The following NCOA3 variants were observed in gnomAD, a reference collection of about 807,000 sequenced individuals.
NCOA3 encodes the protein CBP-interacting protein.
Under a neutral mutation model 158.8 loss-of-function variants are expected in NCOA3, and 51 were observed. That is an observed-to-expected ratio of 0.32 (90% confidence interval 0.26 to 0.41). The LOEUF is 0.41. Among genes scored for constraint, NCOA3 ranks in the 10% least tolerant of loss-of-function variants. The probability of loss-of-function intolerance (pLI) is 1.00; values close to 1 mark genes in which losing one functional copy is unlikely to be tolerated. For missense variants in NCOA3, 1,510 were observed against 1,746.6 expected, an observed-to-expected ratio of 0.86 and a Z score of 2.41; for synonymous variants, 537 against 592.4, an observed-to-expected ratio of 0.91 and a Z score of 1.36.
At chr20:47,641,490 CTTTTTT>C (rs71183270) in intron 16 of NCOA3, among the ~76,000 whole-genome samples, 40 of 48,364 alleles carry the variant, frequency 8.3e-4, no homozygotes, top group African/African-American at 1.4e-3. Flanking sequence ...TGGCTCCCTT[CTTTTTT>C]TTTTTTTTTT....
In NCOA3 at chr20:47,651,116, G is replaced by GCAGCAACAGCAA. The variant is rs748517056; in HGVS notation, c.3804_3815dup (p.Gln1273_Gln1276dup). On this transcript the variant is annotated inframe_insertion, in exon 20 of 23. Transcript: ENST00000371998. ...AACAGCAGCAGCAGCAGCAGCAGCA[G>GCAGCAACAGCAA]CAGCAACAGCAACAGCAACAGCAAC... is the stretch of plus-strand genomic sequence containing the variant. 6.2e-6 allele frequency: 9 copies of GCAGCAACAGCAA among 1,460,334 alleles called. No individual in the cohort carries two copies. The East Asian group carries it at 1.4e-4, about 23-fold the overall frequency. The allele number at this position is 1,460,334 out of a possible 1,614,324, so 90.5% of individuals were successfully genotyped here.
At chr20:47,525,155 C>T (rs1254550512) in intron 1 of NCOA3, among the ~76,000 whole-genome samples, 11 of 149,906 alleles carry the variant, frequency 7.3e-5, no homozygotes, top group African/African-American at 2.7e-4. Flanking sequence ...ATGCTGCCTT[C>T]AAGCATCTGT....
At chr20:47,560,968 C>CTTTTTTTTT (rs11481985) in intron 1 of NCOA3, among the ~76,000 whole-genome samples, 4 of 101,184 alleles carry the variant, frequency 4.0e-5, no homozygotes, top group African/African-American at 7.9e-5. Context: ...ATCCCTCATT[C>CTTTTTTTTT]TTTTTTTTTT....
intron 17 of NCOA3, among the ~76,000 whole-genome samples, chr20:47,646,499 G>A (rs1568754291): frequency 1.3e-5 from 2 of 152,156 alleles, no homozygotes; most frequent in Admixed American, 6.5e-5. Flanking sequence ...ATCAGGGTGC[G>A]GATGTTAAGT....
intron 1 of NCOA3, among the ~76,000 whole-genome samples, chr20:47,546,710 T>A (rs964228785): frequency 6.6e-6 from 1 of 152,066 alleles, no homozygotes; most frequent in African/African-American, 2.4e-5. Context: ...TTTGTATTTT[T>A]AGTAGAGATG....
intron 1 of NCOA3, among the ~76,000 whole-genome samples, chr20:47,578,968 T>A (rs1047803189): frequency 2.0e-4 from 30 of 152,236 alleles, no homozygotes; most frequent in African/African-American, 7.0e-4. Flanking sequence ...TGTTGGTGTT[T>A]CCAAGCATTA....
chr20:47,522,262 C>A (rs1178920043), intron 1 of NCOA3, among the ~76,000 whole-genome samples: 2 of 151,658 alleles, frequency 1.3e-5, no homozygotes, highest in Non-Finnish European at 2.9e-5. Context: ...GCCACCACGC[C>A]CGGCTAATTT....
At chr20:47,618,348 GTT>G (rs71183269) in intron 2 of NCOA3, among the ~76,000 whole-genome samples, 5 of 101,374 alleles carry the variant, frequency 4.9e-5, no homozygotes, top group African/African-American at 1.2e-4. Context: ...TTTTCCCTTA[GTT>G]TTTTTTTTTT....
rs13038309 is a variant in NCOA3, at chr20:47,504,672, C to T, written c.-99+2653C>T. 3.0e-3 allele frequency among the ~76,000 whole-genome samples: 457 copies of T among 151,430 alleles called. 1 individual carries two copies. Among genetic ancestry groups the T allele is most frequent in the Non-Finnish European group, 4.2e-3 (283 of 67,856 alleles). On this transcript the variant is annotated intron_variant, in intron 1 of 22. Transcript: ENST00000371998. ...ACAAAAAATTAGCCGGGCGTGGTGG[C>T]GAGCACCTGTAGTTCCAGCTACTCA...
At chr20:47,610,253 C>T (rs1269433254) in intron 2 of NCOA3, among the ~76,000 whole-genome samples, 1 of 152,104 alleles carries the variant, frequency 6.6e-6, no homozygotes, top group African/African-American at 2.4e-5. Context: ...GAGACGGGAT[C>T]TTGCTCTGTC....
chr20:47,572,447 A>T (rs968666829), intron 1 of NCOA3, among the ~76,000 whole-genome samples: 7 of 151,928 alleles, frequency 4.6e-5, no homozygotes, highest in Non-Finnish European at 7.4e-5. Flanking sequence ...TCGCATTCAC[A>T]ACTTGGCTGT....
intron 1 of NCOA3, among the ~76,000 whole-genome samples, chr20:47,577,725 A>C (rs1344142118): frequency 1.3e-5 from 2 of 152,224 alleles, no homozygotes; most frequent in African/African-American, 4.8e-5. Context: ...ATTTAATTGA[A>C]ATCGAATTAA....
At chr20:47,540,042 G>A (rs921192195) in intron 1 of NCOA3, among the ~76,000 whole-genome samples, 2 of 152,160 alleles carry the variant, frequency 1.3e-5, no homozygotes, top group Non-Finnish European at 2.9e-5. Context: ...GGAAATTGAA[G>A]CTCATGGGTT....
chr20:47,571,339 A>T (rs1352159258), intron 1 of NCOA3, among the ~76,000 whole-genome samples: 3 of 144,320 alleles, frequency 2.1e-5, no homozygotes, highest in South Asian at 2.2e-4. Flanking sequence ...TTTTTTTGAG[A>T]CAGATTCTCG....
intron 1 of NCOA3, among the ~76,000 whole-genome samples, chr20:47,527,524 GTTTA>G (rs2084476486): frequency 1.3e-5 from 2 of 152,124 alleles, no homozygotes; most frequent in Non-Finnish European, 2.9e-5. Flanking sequence ...TGGGCAGTTT[GTTTA>G]TTTACCAGTT....
rs1426009420 is a variant in NCOA3 at position 47,639,676 on chromosome 20, A to G, written c.2807A>G (p.Asn936Ser). 4 of 1,613,864 alleles carry G rather than the reference A, an allele frequency of 2.5e-6. No individual in the cohort carries two copies. The African/African-American group carries it at 5.3e-5, about 22-fold the overall frequency. ...KAGRMEPMNSNSMGRPGGDYN... is the reference protein window; with the variant it reads ...KAGRMEPMNSSSMGRPGGDYN... ...GGCAGAATGGAACCTATGAATTCAA[A>G]CTCCATGGGAAGACCAGGAGGAGAT... Residue 936 changes from asparagine to serine, a missense_variant, in exon 15 of 23, where the codon AAC becomes AGC. Physicochemically the swap from Asn to Ser is conservative, Grantham distance 46 (BLOSUM62 1). Transcript: ENST00000371998.
chr20:47,607,188 T>G (rs2085961402), intron 2 of NCOA3, among the ~76,000 whole-genome samples: 1 of 152,208 alleles, frequency 6.6e-6, no homozygotes, highest in African/African-American at 2.4e-5. Flanking sequence ...TGTAGGAGAC[T>G]AGAATATACC....
chr20:47,534,167 C>T (rs1176765506), intron 1 of NCOA3, among the ~76,000 whole-genome samples: 1 of 151,304 alleles, frequency 6.6e-6, no homozygotes, highest in African/African-American at 2.4e-5. Context: ...AAGTTTTTGG[C>T]TTGAACAACT....
At chr20:47,600,110 T>TGTGTG in intron 2 of NCOA3, among the ~76,000 whole-genome samples, 2 of 143,080 alleles carry the variant, frequency 1.4e-5, no homozygotes, top group South Asian at 4.4e-4. Flanking sequence ...CTCACTTCCT[T>TGTGTG]TGTGTGTGTG....
Sources: allele counts gnomAD v4.1 joint callset (sites outside exome capture counted in the v4.1 genomes callset), GRCh38; gene constraint gnomAD v4.1.1; transcripts MANE v1.5; gene names NCBI Gene and HGNC (gene_info 2026-07-23, HGNC 2026-07-21).